Variants in MEF2C observed in about 807,000 individuals in gnomAD.
MEF2C encodes the protein myocyte-specific enhancer factor 2C.
Under a neutral mutation model 50.5 loss-of-function variants are expected in MEF2C, and 6 were observed. The observed-to-expected ratio is 0.12, with a 90% CI of 0.07 to 0.23. MEF2C has a LOEUF of 0.23. MEF2C is among the 10% of genes least tolerant of loss of function. MEF2C has a pLI of 1.00. For missense variants in MEF2C, 276 were observed against 605.0 expected (o/e 0.46, Z 5.70); for synonymous variants, 183 against 228.0 (o/e 0.80, Z 1.78).
chr5:88,808,080 A>G (rs572289335), intron 2 of MEF2C, among the ~76,000 whole-genome samples: 2 of 152,278 alleles, frequency 1.3e-5, no homozygotes, highest in South Asian at 2.1e-4. Context: ...ATGAGTCATA[A>G]TTGATATTAA....
At chr5:88,868,672 A>G (rs555542677) in intron 1 of MEF2C, among the ~76,000 whole-genome samples, 28 of 152,324 alleles carry the variant, frequency 1.8e-4, no homozygotes, top group African/African-American at 6.7e-4. Context: ...GACAACCCAC[A>G]TGATTCAACT....
intron 2 of MEF2C, chr5:88,817,921 T>A (rs1239417772): frequency 6.6e-6 from 1 of 151,950 alleles, no homozygotes; most frequent in Non-Finnish European, 1.5e-5. Context: ...TATAACAGAT[T>A]TCTAAATATA....
Position 88,722,516 on chromosome 5 carries a change from T to G in MEF2C, c.*88A>C. 1 of 1,181,690 alleles carries G rather than the reference T, an allele frequency of 8.5e-7. No individual in the cohort carries two copies. Among genetic ancestry groups the G allele is most frequent in the Non-Finnish European group, 1.2e-6 (1 of 834,954 alleles). The allele number at this position is 1,181,690 out of a possible 1,614,324, so 73.2% of individuals were successfully genotyped here. A position where few individuals can be genotyped will look rare whatever the true frequency, so the allele number is the denominator to read the frequency against. On this transcript the variant is annotated 3_prime_UTR_variant, in exon 11 of 11. Coordinates refer to ENST00000504921, the MANE Select transcript of MEF2C (RefSeq NM_002397.5). ...TTTTTTTTTCCACACACGGCACATA[T>G]AATGCATATCGACCCCCCTTCCCCA...
intron 3 of MEF2C, among the ~76,000 whole-genome samples, chr5:88,769,280 TCTC>T (rs1392118491): frequency 1.3e-5 from 2 of 152,134 alleles, no homozygotes; most frequent in African/African-American, 4.8e-5. Context: ...GCTCCACTAT[TCTC>T]CTGGGCTTTT....
chr5:88,897,351 A>G (rs1835218738), intron 1 of MEF2C, among the ~76,000 whole-genome samples: 1 of 152,134 alleles, frequency 6.6e-6, no homozygotes, highest in African/African-American at 2.4e-5. Context: ...CGCAAAATAA[A>G]CTCACCCACA....
intron 1 of MEF2C, among the ~76,000 whole-genome samples, chr5:88,868,516 G>A (rs1828133712): frequency 6.6e-6 from 1 of 152,196 alleles, no homozygotes; most frequent in Admixed American, 6.5e-5. Flanking sequence ...CAAAATAAAT[G>A]ATTCTGCTTG....
chr5:88,847,498 T>G (rs558261798), intron 1 of MEF2C, among the ~76,000 whole-genome samples: 1 of 152,252 alleles, frequency 6.6e-6, no homozygotes, highest in East Asian at 1.9e-4. Flanking sequence ...TTACATACTT[T>G]AATTCACCAA....
chr5:88,724,242 T>C (rs1757605828), intron 10 of MEF2C, among the ~76,000 whole-genome samples: 1 of 152,056 alleles, frequency 6.6e-6, no homozygotes, highest in Non-Finnish European at 1.5e-5. Flanking sequence ...ACTAACAATG[T>C]CATTATGACC....
intron 3 of MEF2C, among the ~76,000 whole-genome samples, chr5:88,764,845 A>T (rs1305011662): frequency 6.6e-6 from 1 of 151,858 alleles, no homozygotes; most frequent in Admixed American, 6.6e-5. Flanking sequence ...TAGAAATTTT[A>T]AAAAATTAGG....
intron 6 of MEF2C, chr5:88,735,211 G>T: frequency 1.0e-6 from 1 of 985,360 alleles, no homozygotes; most frequent in Non-Finnish European, 1.2e-6. Context: ...CACTCAGAAT[G>T]CTGCGGCCTG....
At chr5:88,874,776 G>C (rs1399083182) in intron 1 of MEF2C, among the ~76,000 whole-genome samples, 1 of 151,916 alleles carries the variant, frequency 6.6e-6, no homozygotes, top group Non-Finnish European at 1.5e-5. Context: ...TTAATAATTA[G>C]TGTAGTGGGT....
At chr5:88,739,410 A>G (rs1331124533) in intron 6 of MEF2C, 26 of 965,580 alleles carry the variant, frequency 2.7e-5, no homozygotes, top group Non-Finnish European at 3.0e-5. Context: ...TGTCACATAC[A>G]TAATAATGCT....
At chr5:88,821,321 T>C (rs1338515189) in intron 2 of MEF2C, among the ~76,000 whole-genome samples, 1 of 151,984 alleles carries the variant, frequency 6.6e-6, no homozygotes, top group Non-Finnish European at 1.5e-5. Flanking sequence ...GGTTGAAGTG[T>C]AGTAGTAACA....
In MEF2C at chr5:88,761,326, C is replaced by T. The variant is rs777529202; in HGVS notation, c.261G>A (p.Thr87=). Residue 87 remains threonine (T), a splice_region_variant and synonymous_variant, in exon 4 of 11, where the codon ACG becomes ACA. Coordinates refer to ENST00000504921, the MANE Select transcript of MEF2C (RefSeq NM_002397.5). ...AGCCATTAAGGCCCTTCTTTCTCAA[C>T]GTCTGAAATACATAATTTGGAAAGT... The part of the protein sequence containing the change: ...ESRTNSDIVE[T]LRKKGLNGCD... The T allele has an allele frequency of 1.1e-5, 17 of 1,610,306 alleles. No homozygotes were observed. Among genetic ancestry groups the T allele is most frequent in the African/African-American group, 2.7e-5 (2 of 74,646 alleles).
chr5:88,841,561 G>GTAA (rs1817392768), intron 1 of MEF2C, among the ~76,000 whole-genome samples: 1 of 151,270 alleles, frequency 6.6e-6, no homozygotes, highest in East Asian at 1.9e-4. Context: ...AATGATCTTA[G>GTAA]GCTTTAGTCA....
At chr5:88,888,628 A>G (rs1432435592) in intron 1 of MEF2C, among the ~76,000 whole-genome samples, 1 of 151,828 alleles carries the variant, frequency 6.6e-6, no homozygotes, top group African/African-American at 2.4e-5. Context: ...TTTACAGTCT[A>G]TTAAGTGAGA....
intron 6 of MEF2C, chr5:88,744,228 A>G (rs1203264620): frequency 2.6e-6 from 2 of 772,622 alleles, no homozygotes; most frequent in African/African-American, 1.9e-5. Flanking sequence ...TGATCTTACC[A>G]TCATCAATAA....
intron 6 of MEF2C, chr5:88,734,613 T>TAA (rs1763342681): frequency 2.0e-6 from 1 of 494,278 alleles, no homozygotes; most frequent in East Asian, 1.7e-4. Context: ...TTTTCTACAG[T>TAA]AAACTCTCTG....
intron 4 of MEF2C, among the ~76,000 whole-genome samples, chr5:88,753,844 A>G (rs915732180): frequency 2.0e-5 from 3 of 152,250 alleles, no homozygotes; most frequent in Non-Finnish European, 4.4e-5. Context: ...TAAGACATCA[A>G]ATAATGAATT....
Sources: allele counts gnomAD v4.1 joint callset (sites outside exome capture counted in the v4.1 genomes callset), GRCh38; gene constraint gnomAD v4.1.1; transcripts MANE v1.5; gene names NCBI Gene and HGNC (gene_info 2026-07-23, HGNC 2026-07-21).